ZNF681: variants seen among roughly 807,000 people sequenced by gnomAD.
ZNF681 encodes the protein hypothetical protein FLJ31526.
A neutral mutation model predicts 56.0 loss-of-function variants in ZNF681; 37 were observed. The observed-to-expected ratio is 0.66, with a 90% CI of 0.51 to 0.87. The LOEUF (loss-of-function observed/expected upper bound fraction) is 0.87, where lower values mean the gene tolerates loss of function less well. ZNF681 is among the 40% of genes least tolerant of loss of function. The pLI is 0.00. For missense variants in ZNF681, 741 were observed against 744.9 expected, an observed-to-expected ratio of 0.99 and a Z score of 0.06; for synonymous variants, 225 against 248.6, an observed-to-expected ratio of 0.91 and a Z score of 0.89.
chr19:23,758,811 G>A lies in ZNF681; in HGVS notation c.-62C>T. 3 of 1,611,388 alleles carry A rather than the reference G, an allele frequency of 1.9e-6. No homozygotes were observed. The highest frequency in any genetic ancestry group is 2.5e-6 in the Non-Finnish European group (3 of 1,177,970). ...GATCGCCAATACCTGCAGGTCAGAG[G>A]GCCATAGAGGCTGGGCCTCTAGAAG... On this transcript the variant is annotated 5_prime_UTR_variant, in exon 1 of 4. Coordinates refer to ENST00000402377, the MANE Select transcript of ZNF681 (RefSeq NM_138286.3).
chr19:23,753,369 A>G (rs4932731), intron 3 of ZNF681, among the ~76,000 whole-genome samples: 2,069 of 151,182 alleles, frequency 0.014, no homozygotes, highest in Admixed American at 0.079. Flanking sequence ...AGTGCACTCC[A>G]GCCTGGGCAA....
intron 3 of ZNF681, among the ~76,000 whole-genome samples, chr19:23,753,588 CACG>C (rs1428421621): frequency 8.5e-5 from 13 of 152,270 alleles, no homozygotes; most frequent in Non-Finnish European, 1.9e-4. Flanking sequence ...GTTGGCCAGG[CACG>C]GTGGCTCACA....
In ZNF681 at chr19:23,743,525, C is replaced by A; in HGVS notation, c.*87G>T. 7.9e-7 allele frequency: 1 copy of A among 1,272,722 alleles called. No individual in the cohort carries two copies. The highest frequency in any genetic ancestry group is 1.0e-6 in the Non-Finnish European group (1 of 962,714). The allele number at this position is 1,272,722 out of a possible 1,614,324, so 78.8% of individuals were successfully genotyped here. On this transcript the variant is annotated 3_prime_UTR_variant, in exon 4 of 4. Transcript: ENST00000402377. ...GTTAAAAGTTTTGCCACATTCTTCA[C>A]ACTTGTAGGTTTTTTTTTAGTATGA...
chr19:23,753,261 T>C (rs1358433881), intron 3 of ZNF681, among the ~76,000 whole-genome samples: 1 of 152,258 alleles, frequency 6.6e-6, no homozygotes, highest in Non-Finnish European at 1.5e-5. Context: ...TAGCCAGGCA[T>C]GGTGGCATGT....
rs1968920941 is a variant in ZNF681, at chr19:23,744,847, A to G, written c.703T>C (p.Cys235Arg). ...SYICEECGKACNQFTNLTTHK... is the reference protein window; with the variant it reads ...SYICEECGKARNQFTNLTTHK... ...GTAGTAAGGTTTGTGAACTGGTTAC[A>G]GGCTTTGCCACATTCTTCACATATG... The change falls in exon 4 of 4, where the codon TGT becomes CGT. Residue 235 changes from cysteine to arginine, a missense_variant. Coordinates refer to ENST00000402377, the MANE Select transcript of ZNF681 (RefSeq NM_138286.3). 7 of 1,613,502 alleles carry G rather than the reference A, an allele frequency of 4.3e-6. No homozygotes were observed. The highest frequency in any genetic ancestry group is 5.9e-6 in the Non-Finnish European group (7 of 1,179,818).
At chr19:23,755,729 A>G (rs974283220) in intron 1 of ZNF681, among the ~76,000 whole-genome samples, 178 bp from the exon 2 acceptor site, 2 of 152,206 alleles carry the variant, frequency 1.3e-5, no homozygotes, top group African/African-American at 4.8e-5. Flanking sequence ...TTTTTTACAC[A>G]GGAACATTCT....
At chr19:23,750,241 G>A (rs142496421) in intron 3 of ZNF681, among the ~76,000 whole-genome samples, 38 of 139,476 alleles carry the variant, frequency 2.7e-4, no homozygotes, top group African/African-American at 6.7e-4. Context: ...CCAAGATTGC[G>A]CCATTGCACT....
chr19:23,741,819 C>T lies in ZNF681; in HGVS notation c.*1793G>A, dbSNP rs1968877626. On this transcript the variant is annotated 3_prime_UTR_variant, in exon 4 of 4. Transcript: ENST00000402377. ...TTCATTTACCCATATGTAATTATTACATATTATATACCTGTATCAAAATAT... is the reference window on the plus strand; with the variant it reads ...TTCATTTACCCATATGTAATTATTATATATTATATACCTGTATCAAAATAT... The T allele has an allele frequency of 6.6e-6, 1 of 151,966 alleles. No homozygotes were observed. Among genetic ancestry groups the T allele is most frequent in the African/African-American group, 2.4e-5 (1 of 41,350 alleles). 9.4% of individuals were successfully genotyped at this position (151,966 alleles called of 1,614,324 possible). A position where few individuals can be genotyped will look rare whatever the true frequency, so the allele number is the denominator to read the frequency against.
Position 23,743,760 on chromosome 19 carries a change from T to C in ZNF681, c.1790A>G (p.Lys597Arg), listed in dbSNP as rs1968899147. Residue 597 changes from lysine (K) to arginine (R), a missense_variant, in exon 4 of 4, where the codon AAA (lysine) becomes AGA (arginine). Lys to Arg is a conservative substitution (Grantham distance 26, BLOSUM62 2). Coordinates refer to ENST00000402377, the MANE Select transcript of ZNF681 (RefSeq NM_138286.3). ...AAGGTTTGAGGACTGGTTAAAAGCT[T>C]TGCCACATTTTTCACATTGGTAGGG... ...EKPYQCEKCG[K>R]AFNQSSNLTG... The C allele has an allele frequency of 1.2e-6, 2 of 1,613,818 alleles. No homozygotes were observed. The highest frequency in any genetic ancestry group is 1.7e-6 in the Non-Finnish European group (2 of 1,179,866).
chr19:23,751,282 G>A (rs549976278), intron 3 of ZNF681, among the ~76,000 whole-genome samples: 1 of 152,024 alleles, frequency 6.6e-6, no homozygotes, highest in South Asian at 2.1e-4. Flanking sequence ...TTCAAGGCCA[G>A]CCTGACCAAC....
rs188046149 is a variant in ZNF681 at position 23,752,493 on chromosome 19, C to T, written c.226+2330G>A. On this transcript the variant is annotated intron_variant, in intron 3 of 3. Coordinates refer to ENST00000402377, the MANE Select transcript of ZNF681 (RefSeq NM_138286.3). ...ACACAGTGAATGCCATACTCATCCA[C>T]ATTCTTAAATAAGACTCAACCATAT... 2.4e-3 allele frequency among the ~76,000 whole-genome samples: 294 copies of T among 122,058 alleles called. 1 individual carries two copies. The highest frequency in any genetic ancestry group is 8.7e-3 in the African/African-American group (281 of 32,464). 80.1% of individuals were successfully genotyped at this position (122,058 alleles called of 152,430 possible).
rs1968870913 is a variant in ZNF681, at chr19:23,741,269, C to T, written c.*2343G>A. 3 of 152,096 alleles carry T rather than the reference C, an allele frequency of 2.0e-5. No homozygotes were observed. The highest frequency in any genetic ancestry group is 2.9e-5 in the Non-Finnish European group (2 of 68,030). 9.4% of individuals were successfully genotyped at this position (152,096 alleles called of 1,614,324 possible). A position where few individuals can be genotyped will look rare whatever the true frequency, so the allele number is the denominator to read the frequency against. ...AAAACTAATAGTCTGTATGTGCTTG[C>T]AGGCAGAGAGGCAACATGTTTGAAG... On this transcript the variant is annotated 3_prime_UTR_variant, in exon 4 of 4. Coordinates refer to ENST00000402377, the MANE Select transcript of ZNF681 (RefSeq NM_138286.3).
In ZNF681 at chr19:23,743,552, T is replaced by A; in HGVS notation, c.*60A>T. 7.3e-7 allele frequency: 1 copy of A among 1,373,832 alleles called. No individual in the cohort carries two copies. The allele number at this position is 1,373,832 out of a possible 1,614,324, so 85.1% of individuals were successfully genotyped here. ...CTTGTAGGTTTTTTTTTAGTATGAA[T>A]TATCTTATGCACAATCAAGTGTGAC... On this transcript the variant is annotated 3_prime_UTR_variant, in exon 4 of 4. Coordinates refer to ENST00000402377, the MANE Select transcript of ZNF681 (RefSeq NM_138286.3).
At chr19:23,752,318 C>T (rs1969043810) in intron 3 of ZNF681, among the ~76,000 whole-genome samples, 1 of 152,208 alleles carries the variant, frequency 6.6e-6, no homozygotes, top group Non-Finnish European at 1.5e-5. Context: ...AAGACACCCA[C>T]TTATAGCCAT....
chr19:23,744,412 G>A lies in ZNF681; in HGVS notation c.1138C>T (p.His380Tyr). Residue 380 changes from histidine (H) to tyrosine (Y), a missense_variant, in exon 4 of 4, where the codon CAC becomes TAC. Transcript: ENST00000402377. Reference sequence around the variant, plus strand: ...TGAATTATCTTATGTGTAGTAAGGTGTGAGGACTGCCTAAAGGCTTTGCCA... The same window carrying A: ...TGAATTATCTTATGTGTAGTAAGGTATGAGGACTGCCTAAAGGCTTTGCCA... ...ECGKAFRQSS[H>Y]LTTHKIIHTG... 6.2e-7 allele frequency: 1 copy of A among 1,611,186 alleles called. No homozygotes were observed. The highest frequency in any genetic ancestry group is 8.5e-7 in the Non-Finnish European group (1 of 1,179,070).
intron 1 of ZNF681, among the ~76,000 whole-genome samples, chr19:23,756,327 C>CA (rs1555714105): frequency 2.0e-5 from 3 of 150,264 alleles, no homozygotes; most frequent in African/African-American, 7.4e-5. Context: ...TCTGTCCCCC[C>CA]CCAAAAAAAG....
rs1382758850 is a variant in ZNF681, at chr19:23,740,235, A to T, written c.*3377T>A. ...TTAAAACCAATCTTGCAGTGCATTAAAAATACCGATTTCTCATCAAAACCT... is the reference window on the plus strand; with the variant it reads ...TTAAAACCAATCTTGCAGTGCATTATAAATACCGATTTCTCATCAAAACCT... On this transcript the variant is annotated 3_prime_UTR_variant, in exon 4 of 4. Coordinates refer to ENST00000402377, the MANE Select transcript of ZNF681 (RefSeq NM_138286.3). 1 of 152,162 alleles carries T rather than the reference A, an allele frequency of 6.6e-6. No individual in the cohort carries two copies. Among genetic ancestry groups the T allele is most frequent in the African/African-American group, 2.4e-5 (1 of 41,450 alleles). The allele number at this position is 152,162 out of a possible 1,614,324, so 9.4% of individuals were successfully genotyped here. A position where few individuals can be genotyped will look rare whatever the true frequency, so the allele number is the denominator to read the frequency against.
At chr19:23,750,320 A>G (rs1042672381) in intron 3 of ZNF681, among the ~76,000 whole-genome samples, 1 of 150,982 alleles carries the variant, frequency 6.6e-6, no homozygotes, top group Non-Finnish European at 1.5e-5. Context: ...AACAACTAAG[A>G]AAGAATATAT....
At chr19:23,751,548 A>G (rs1969031784) in intron 3 of ZNF681, among the ~76,000 whole-genome samples, 2 of 152,160 alleles carry the variant, frequency 1.3e-5, no homozygotes, top group South Asian at 4.1e-4. Context: ...TGTTCACAGA[A>G]GGCAAGTATT....
Sources: gnomAD v4.1 joint callset for allele counts (sites outside exome capture counted in the v4.1 genomes callset) on GRCh38, gnomAD v4.1.1 for gene constraint, MANE v1.5 for transcripts, NCBI Gene and HGNC (gene_info 2026-07-23, HGNC 2026-07-21) for gene names.